The following KDM4C variants were observed in gnomAD, a reference collection of about 807,000 sequenced individuals.
The protein encoded by KDM4C is lysine-specific demethylase 4C.
A neutral mutation model predicts 129.3 loss-of-function variants in KDM4C; 81 were observed. The observed-to-expected ratio is 0.63, with a 90% CI of 0.52 to 0.75. The LOEUF (loss-of-function observed/expected upper bound fraction) is 0.75. KDM4C is among the 30% of genes least tolerant of loss of function. The probability of loss-of-function intolerance (pLI) is 0.00; values close to 1 mark genes in which losing one functional copy is unlikely to be tolerated. For synonymous variants in KDM4C, 573 were observed against 456.1 expected, an observed-to-expected ratio of 1.26 and a Z score of -3.26; for missense variants, 1,457 against 1,304.0, an observed-to-expected ratio of 1.12 and a Z score of -1.81.
At position 7,015,896 on chromosome 9, in the gene KDM4C, G is replaced by T. The variant is rs143113009; in HGVS notation, c.2226G>T (p.Leu742=). ...CTCATGAGATCTGTGATGGATGGCT[G>T]TGTGCCCGGTGCAAAAGAAATGCGT... ...IPSHEICDGW[L]CARCKRNAWT... Residue 742 remains leucine (L), a synonymous_variant, in exon 15 of 22, where the codon CTG becomes CTT. Coordinates refer to ENST00000381309, the MANE Select transcript of KDM4C (RefSeq NM_015061.6). The T allele has an allele frequency of 3.1e-6, 5 of 1,612,934 alleles. No individual in the cohort carries two copies. The highest frequency in any genetic ancestry group is 1.7e-5 in the Admixed American group (1 of 59,970).
chr9:7,094,911 C>A (rs983585809), intron 17 of KDM4C, among the ~76,000 whole-genome samples: 1 of 152,136 alleles, frequency 6.6e-6, no homozygotes, highest in Non-Finnish European at 1.5e-5. Flanking sequence ...TAATAAGGGT[C>A]AGATGCACTC....
intron 8 of KDM4C, among the ~76,000 whole-genome samples, chr9:6,972,763 C>T (rs1301716889): frequency 6.6e-6 from 1 of 152,150 alleles, no homozygotes; most frequent in Non-Finnish European, 1.5e-5. Flanking sequence ...GATTTAAATC[C>T]AGTTCTTCTC....
chr9:6,904,839 C>T (rs1406722215), intron 8 of KDM4C, among the ~76,000 whole-genome samples: 1 of 151,874 alleles, frequency 6.6e-6, no homozygotes, highest in East Asian at 1.9e-4. Flanking sequence ...AGTAACTAAA[C>T]GGCGTTAGTC....
chr9:7,048,239 G>C (rs550258418), intron 16 of KDM4C, among the ~76,000 whole-genome samples: 30 of 152,148 alleles, frequency 2.0e-4, no homozygotes, highest in African/African-American at 7.0e-4. Flanking sequence ...GTTTTCTGTG[G>C]AATGATAGTA....
rs1846347168 is a variant in KDM4C, at chr9:6,893,182, A to G, written c.871A>G (p.Thr291Ala). Reference protein sequence around the residue: ...FNHGFNCAESTNFATVRWIDY... With the variant: ...FNHGFNCAESANFATVRWIDY... ...TCATGGTTTCAACTGTGCAGAATCT[A>G]CAAATTTTGCTACTGTCAGATGGAT... The change falls in exon 8 of 22, where the codon ACA (threonine) becomes GCA (alanine). Residue 291 changes from threonine to alanine, a missense_variant. Thr to Ala is a moderately conservative substitution (Grantham distance 58, BLOSUM62 0). Transcript: ENST00000381309. 3.1e-6 allele frequency: 5 copies of G among 1,611,404 alleles called. No homozygotes were observed. The highest frequency in any genetic ancestry group is 2.2e-5 in the East Asian group (1 of 44,654).
intron 12 of KDM4C, among the ~76,000 whole-genome samples, chr9:7,000,160 G>C (rs1181784462): frequency 2.0e-5 from 3 of 152,094 alleles, no homozygotes; most frequent in Admixed American, 6.6e-5. Flanking sequence ...GGTGTTCTCA[G>C]TTTAGCCTTA....
intron 12 of KDM4C, among the ~76,000 whole-genome samples, chr9:6,991,460 G>A (rs1259090542): frequency 1.3e-5 from 2 of 152,062 alleles, no homozygotes; most frequent in Admixed American, 6.5e-5. Context: ...TGATTCGTAA[G>A]TGTCTTGTAT....
At chr9:6,952,411 GTA>G (rs61217461) in intron 8 of KDM4C, among the ~76,000 whole-genome samples, 52,460 of 144,990 alleles carry the variant, frequency 0.36, 9,384 homozygotes, top group South Asian at 0.47. Context: ...GTGTATGTGT[GTA>G]TATATATATA....
chr9:7,106,692 A>G (rs1482495025), intron 18 of KDM4C, among the ~76,000 whole-genome samples: 1 of 152,108 alleles, frequency 6.6e-6, no homozygotes, highest in Non-Finnish European at 1.5e-5. Flanking sequence ...AATAGTTCTC[A>G]TTATGTTGTA....
intron 8 of KDM4C, among the ~76,000 whole-genome samples, chr9:6,958,730 G>A (rs1312205163): frequency 2.2e-5 from 3 of 138,728 alleles, no homozygotes; most frequent in Admixed American, 1.6e-4. Flanking sequence ...TGTTACCCAG[G>A]CTAGAGTGCA....
chr9:6,755,212 A>G (rs1242788567), upstream of KDM4C, among the ~76,000 whole-genome samples: 2 of 152,192 alleles, frequency 1.3e-5, no homozygotes, highest in Non-Finnish European at 2.9e-5. Context: ...TCCACTTAAA[A>G]TACAAAAAAT....
chr9:6,781,109 G>A (rs897165343), intron 1 of KDM4C, among the ~76,000 whole-genome samples: 13 of 152,178 alleles, frequency 8.5e-5, no homozygotes, highest in Admixed American at 6.5e-5. Flanking sequence ...TGCCAGGCTA[G>A]TCAATTGTAG....
At chr9:6,721,009 T>G (rs1446886338) in intron 1 of KDM4C, 7 of 1,550,640 alleles carry the variant, frequency 4.5e-6, no homozygotes, top group Non-Finnish European at 6.1e-6. Context: ...TGAGTGCTGC[T>G]CTGAACATAA....
At chr9:7,023,446 C>G (rs1431977655) in intron 15 of KDM4C, among the ~76,000 whole-genome samples, 2 of 152,120 alleles carry the variant, frequency 1.3e-5, no homozygotes, top group Non-Finnish European at 2.9e-5. Flanking sequence ...CTAGTAGCTA[C>G]TAGTGATCCT....
At chr9:6,747,209 C>G (rs1172194192) in intron 1 of KDM4C, among the ~76,000 whole-genome samples, 2 of 135,530 alleles carry the variant, frequency 1.5e-5, no homozygotes, top group Non-Finnish European at 3.1e-5. Flanking sequence ...ACCAAACCAA[C>G]CAACCAACCA....
chr9:7,087,804 A>C lies in KDM4C; in HGVS notation c.2425-15881A>C, dbSNP rs78904735. ...GATACATGTTTTATTTCTAAATGTC[A>C]ATATTTAATCCACAAGAAGTATAGC... is the stretch of plus-strand genomic sequence containing the variant. On this transcript the variant is annotated intron_variant, in intron 17 of 21. Transcript: ENST00000381309. 4.6e-4 allele frequency among the ~76,000 whole-genome samples: 70 copies of C among 152,364 alleles called. No homozygotes were observed. In the East Asian group the frequency reaches 0.01, roughly 23 times the overall value.
intron 18 of KDM4C, among the ~76,000 whole-genome samples, chr9:7,106,886 T>C (rs1837753967): frequency 6.6e-6 from 1 of 151,940 alleles, no homozygotes. Flanking sequence ...TCTGATTTGT[T>C]AATACATTAT....
intron 1 of KDM4C, among the ~76,000 whole-genome samples, chr9:6,738,489 A>G (rs1055016727): frequency 6.6e-6 from 1 of 152,054 alleles, no homozygotes; most frequent in South Asian, 2.1e-4. Context: ...GCTGGAGGGC[A>G]ATGGCAAGAT....
chr9:7,137,067 C>T (rs1841288247), intron 19 of KDM4C, among the ~76,000 whole-genome samples: 1 of 152,156 alleles, frequency 6.6e-6, no homozygotes, highest in Non-Finnish European at 1.5e-5. Flanking sequence ...ATCTCTGGCC[C>T]TGAAAAACTT....
Sources: gnomAD v4.1 joint callset for allele counts (sites outside exome capture counted in the v4.1 genomes callset) on GRCh38, gnomAD v4.1.1 for gene constraint, MANE v1.5 for transcripts, NCBI Gene and HGNC (gene_info 2026-07-23, HGNC 2026-07-21) for gene names.